Variants in DAPK2 observed in about 807,000 individuals in gnomAD.
DAPK2 encodes the protein death-associated protein kinase 2.
In DAPK2, 35 loss-of-function variants were observed where a neutral mutation model predicts 44.1. That is an observed-to-expected ratio of 0.79 (90% CI 0.61 to 1.05). DAPK2 has a LOEUF of 1.05. DAPK2 is among the 50% of genes least tolerant of loss of function. The pLI, the probability that DAPK2 is intolerant of heterozygous loss-of-function variation, is 0.00. For synonymous variants in DAPK2, 174 were observed against 182.6 expected, an observed-to-expected ratio of 0.95 and a Z score of 0.38; for missense variants, 453 against 483.2, an observed-to-expected ratio of 0.94 and a Z score of 0.59.
chr15:64,033,277 AGGG>A (rs2080073999), intron 1 of DAPK2, among the ~76,000 whole-genome samples: 2 of 49,556 alleles, frequency 4.0e-5, no homozygotes, highest in Non-Finnish European at 6.9e-5. Flanking sequence ...GGGAGGGGGA[AGGG>A]GGAAGGGGGA....
At position 63,980,871 on chromosome 15, in the gene DAPK2, T is replaced by C. The variant is rs549557919; in HGVS notation, c.314+2662A>G. 4.7e-3 allele frequency among the ~76,000 whole-genome samples: 713 copies of C among 152,122 alleles called. 5 individuals are homozygous for C. Among genetic ancestry groups the C allele is most frequent in the African/African-American group, 0.017 (690 of 41,492 alleles). On this transcript the variant is annotated intron_variant, in intron 2 of 10. Coordinates refer to ENST00000261891, the Ensembl canonical transcript of DAPK2. The surrounding 1 kb of genome is among the most constrained non-coding windows in gnomAD (Gnocchi z 4.3). Reference sequence around the variant, plus strand: ...TTGGGAGGCCAAGGCAGGCGGATCATCTAAGGTCAGGAGTTCGAGACCAGC... The same window carrying C: ...TTGGGAGGCCAAGGCAGGCGGATCACCTAAGGTCAGGAGTTCGAGACCAGC...
At chr15:63,932,235 G>A (rs2076981220) in intron 4 of DAPK2, among the ~76,000 whole-genome samples, 1 of 151,052 alleles carries the variant, frequency 6.6e-6, no homozygotes, top group African/African-American at 2.4e-5. Context: ...GGAGGCCAAG[G>A]TGGGCAGATC....
chr15:63,907,118 C>T (rs919333487), exon 11 of DAPK2: 2 of 152,166 alleles, frequency 1.3e-5, no homozygotes, highest in African/African-American at 4.8e-5. Flanking sequence ...TTGGTTTCCT[C>T]TGAGGCCCCC....
chr15:63,968,658 C>T (rs183851129), intron 3 of DAPK2, among the ~76,000 whole-genome samples: 1 of 152,344 alleles, frequency 6.6e-6, no homozygotes, highest in East Asian at 1.9e-4. Flanking sequence ...TAATGCTTCT[C>T]TCTAACCCTT....
chr15:63,981,169 A>G (rs1475236318), intron 2 of DAPK2, among the ~76,000 whole-genome samples: 5 of 151,326 alleles, frequency 3.3e-5, no homozygotes, highest in Non-Finnish European at 7.4e-5. Context: ...GCATTAGTGG[A>G]TTAACAGGTT....
At chr15:63,944,507 G>C (rs911751285) in intron 3 of DAPK2, among the ~76,000 whole-genome samples, 6 of 152,160 alleles carry the variant, frequency 3.9e-5, no homozygotes, top group African/African-American at 1.2e-4. Context: ...ACAGAGGGTA[G>C]GGACTAACAT....
chr15:63,978,339 C>T (rs1350972893), intron 2 of DAPK2, among the ~76,000 whole-genome samples: 1 of 152,160 alleles, frequency 6.6e-6, no homozygotes, highest in Non-Finnish European at 1.5e-5. Context: ...AATAATAACC[C>T]TGCAATTCCT....
At chr15:63,991,834 G>A (rs551868577) in intron 1 of DAPK2, among the ~76,000 whole-genome samples, 1 of 152,186 alleles carries the variant, frequency 6.6e-6, no homozygotes, top group Non-Finnish European at 1.5e-5. Context: ...GCGGTGAGGA[G>A]CACATGTAGG....
At chr15:63,994,321 A>G (rs2078890551) in intron 1 of DAPK2, among the ~76,000 whole-genome samples, 1 of 152,128 alleles carries the variant, frequency 6.6e-6, no homozygotes, top group Non-Finnish European at 1.5e-5. Flanking sequence ...GCTGGCCCCC[A>G]GTGCAGCAGG....
At chr15:63,945,238 C>A (rs2077419015) in intron 3 of DAPK2, among the ~76,000 whole-genome samples, 1 of 152,180 alleles carries the variant, frequency 6.6e-6, no homozygotes, top group Admixed American at 6.5e-5. Context: ...TGACGCTGGC[C>A]TGCTGGCAGT....
chr15:63,928,328 C>G (rs1365964799), intron 6 of DAPK2: 1 of 152,232 alleles, frequency 6.6e-6, no homozygotes, highest in Non-Finnish European at 1.5e-5. Context: ...GGCTCCTAGT[C>G]CAAGAGCTGC....
At chr15:64,008,277 A>G (rs2079292145) in intron 1 of DAPK2, among the ~76,000 whole-genome samples, 1 of 152,218 alleles carries the variant, frequency 6.6e-6, no homozygotes, top group South Asian at 2.1e-4. Context: ...ACTCTACCCT[A>G]TATGCAGGTT....
rs71131201 is a variant in DAPK2 at position 64,030,979 on chromosome 15, T to TACACACACACACAC, written c.92+9177_92+9190dup. ...AAGACCCTGTCTCAAAATACACACATACACACACACACACACACACACACA... is the reference window on the plus strand; with the variant it reads ...AAGACCCTGTCTCAAAATACACACATACACACACACACACACACACACACACACACACACACACA... On this transcript the variant is annotated intron_variant, in intron 1 of 10. Transcript: ENST00000261891. 3.8e-3 allele frequency among the ~76,000 whole-genome samples: 539 copies of TACACACACACACAC among 140,206 alleles called. 4 individuals are homozygous for TACACACACACACAC. The highest frequency in any genetic ancestry group is 0.013 in the African/African-American group (496 of 37,196). 92.0% of individuals were successfully genotyped at this position (140,206 alleles called of 152,430 possible).
chr15:63,961,560 T>C (rs1035769769), intron 3 of DAPK2, among the ~76,000 whole-genome samples: 2 of 152,164 alleles, frequency 1.3e-5, no homozygotes, highest in Non-Finnish European at 2.9e-5. Context: ...TCTCTCAGCA[T>C]TTGTTTGTCT....
chr15:63,957,717 C>T (rs370763299), intron 3 of DAPK2, among the ~76,000 whole-genome samples: 46 of 152,028 alleles, frequency 3.0e-4, no homozygotes, highest in South Asian at 1.0e-3. Flanking sequence ...TAGTATTCCA[C>T]GGTGTATATG....
At chr15:63,927,517 A>G (rs571277404) in intron 6 of DAPK2, among the ~76,000 whole-genome samples, 2 of 152,280 alleles carry the variant, frequency 1.3e-5, no homozygotes, top group South Asian at 4.1e-4. Flanking sequence ...TCTGTGTCTC[A>G]AAGAGGCATG....
At position 63,908,427 on chromosome 15, in the gene DAPK2, C is replaced by T. The variant is rs540699166; in HGVS notation, c.*93G>A. The T allele has an allele frequency of 3.4e-5, 25 of 743,948 alleles. No homozygotes were observed. The highest frequency in any genetic ancestry group is 9.4e-5 in the East Asian group (3 of 31,970). 46.1% of individuals were successfully genotyped at this position (743,948 alleles called of 1,614,324 possible). On this transcript the variant is annotated 3_prime_UTR_variant, in exon 11 of 11. Coordinates refer to ENST00000261891, the Ensembl canonical transcript of DAPK2. The surrounding 1 kb of genome is among the most constrained non-coding windows in gnomAD (Gnocchi z 5.7). Reference sequence around the variant, plus strand: ...TCTCTTGCAAAGTGCTCAGGACGCCCGGGTGCTGGTGCTGAGCTGGGTCCA... The same window carrying T: ...TCTCTTGCAAAGTGCTCAGGACGCCTGGGTGCTGGTGCTGAGCTGGGTCCA...
intron 4 of DAPK2, 150 bp from the exon 6 acceptor site, chr15:63,930,605 A>G (rs2079516186): frequency 1.4e-6 from 1 of 731,920 alleles, no homozygotes; most frequent in Non-Finnish European, 2.3e-6. Flanking sequence ...TGCATCTAAG[A>G]TTCTGAGGAA....
At chr15:63,927,376 C>A (rs956904267) in intron 6 of DAPK2, among the ~76,000 whole-genome samples, 2 of 152,320 alleles carry the variant, frequency 1.3e-5, no homozygotes, top group Non-Finnish European at 1.5e-5. Flanking sequence ...GCCAGCACAG[C>A]CCTTCCCTCC....
Sources: gnomAD v4.1 joint callset for allele counts (sites outside exome capture counted in the v4.1 genomes callset) on GRCh38, gnomAD v4.1.1 for gene constraint, Gnocchi (gnomAD v3.1) non-coding constraint, MANE v1.5 for transcripts, NCBI Gene and HGNC (gene_info 2026-07-23, HGNC 2026-07-21) for gene names.